CTNNA3: variants seen among roughly 807,000 people sequenced by gnomAD.
CTNNA3 encodes the protein catenin alpha 3, also known as catenin alpha-3.
In CTNNA3, 76 loss-of-function variants were observed where a neutral mutation model predicts 95.7. The observed-to-expected ratio is 0.79, with a 90% CI of 0.66 to 0.96. The LOEUF (loss-of-function observed/expected upper bound fraction) is 0.96, where lower values mean the gene tolerates loss of function less well. Ranked by LOEUF, CTNNA3 falls within the 40% of genes least tolerant of loss-of-function variation. The pLI, the probability that CTNNA3 is intolerant of heterozygous loss-of-function variation, is 0.00. For synonymous variants in CTNNA3, 431 were observed against 374.4 expected (o/e 1.15, Z -1.74); for missense variants, 1,191 against 1,089.8 (o/e 1.09, Z -1.31).
At chr10:66,289,821 A>C (rs9804181) in intron 12 of CTNNA3, among the ~76,000 whole-genome samples, 33,243 of 151,966 alleles carry the variant, frequency 0.22, 3,788 homozygotes, top group Admixed American at 0.29. Context: ...AAATCCAAAA[A>C]CTTTCTGAAT....
intron 7 of CTNNA3, among the ~76,000 whole-genome samples, chr10:66,936,285 T>G (rs2132660679): frequency 6.6e-6 from 1 of 152,158 alleles, no homozygotes; most frequent in South Asian, 2.1e-4. Context: ...GATTTCAAAA[T>G]AGCCAAAAGC....
chr10:67,592,481 C>T (rs1303960613), intron 3 of CTNNA3, among the ~76,000 whole-genome samples: 1 of 152,046 alleles, frequency 6.6e-6, no homozygotes, highest in East Asian at 1.9e-4. Context: ...GCAAAAAAGC[C>T]ACAATATTTC....
intron 6 of CTNNA3, among the ~76,000 whole-genome samples, chr10:67,213,340 G>A (rs1864219221): frequency 6.6e-6 from 1 of 151,464 alleles, no homozygotes; most frequent in Non-Finnish European, 1.5e-5. Context: ...TCTGCTTTCA[G>A]TATTCTTAAT....
intron 5 of CTNNA3, among the ~76,000 whole-genome samples, chr10:67,234,156 C>T (rs1865348594): frequency 6.6e-6 from 1 of 152,198 alleles, no homozygotes; most frequent in Admixed American, 6.5e-5. Context: ...CTCCCTAACT[C>T]ATTTTATGAG....
At chr10:67,202,681 A>G (rs1564968828) in intron 6 of CTNNA3, among the ~76,000 whole-genome samples, 1 of 152,142 alleles carries the variant, frequency 6.6e-6, no homozygotes, top group Non-Finnish European at 1.5e-5. Context: ...AATAAACATC[A>G]TTCCATTTTG....
At chr10:67,290,625 C>T (rs1275405647) in intron 5 of CTNNA3, among the ~76,000 whole-genome samples, 1 of 152,016 alleles carries the variant, frequency 6.6e-6, no homozygotes, top group African/African-American at 2.4e-5. Flanking sequence ...AAAACTGAGG[C>T]AACAAGAGGT....
At chr10:66,803,697 AAG>A (rs1001534582) in intron 7 of CTNNA3, among the ~76,000 whole-genome samples, 1 of 152,056 alleles carries the variant, frequency 6.6e-6, no homozygotes, top group African/African-American at 2.4e-5. Flanking sequence ...TGAGCAACTG[AAG>A]CATAGAGAAG....
intron 5 of CTNNA3, among the ~76,000 whole-genome samples, chr10:67,297,025 C>T (rs1333134921): frequency 6.8e-6 from 1 of 147,150 alleles, no homozygotes; most frequent in Non-Finnish European, 1.5e-5. Flanking sequence ...GAAGTCAGAT[C>T]AGCTTTGTAG....
At chr10:66,289,424 A>C (rs912453086) in intron 12 of CTNNA3, among the ~76,000 whole-genome samples, 4 of 151,680 alleles carry the variant, frequency 2.6e-5, no homozygotes, top group Non-Finnish European at 4.4e-5. Context: ...GAATCCTCCT[A>C]CTATTACACC....
At chr10:66,659,647 G>A (rs377102125) in intron 9 of CTNNA3, among the ~76,000 whole-genome samples, 15 of 152,280 alleles carry the variant, frequency 9.9e-5, no homozygotes, top group African/African-American at 3.6e-4. Context: ...TGGTTAATGA[G>A]AGCAGAGCCC....
At chr10:66,199,759 G>A (rs1307555494) in intron 13 of CTNNA3, among the ~76,000 whole-genome samples, 7 of 98,578 alleles carry the variant, frequency 7.1e-5, no homozygotes, top group African/African-American at 1.8e-4. Context: ...GTGCCACCAC[G>A]CCTGGCTATA....
chr10:66,813,831 C>CGT (rs769809892), intron 7 of CTNNA3, among the ~76,000 whole-genome samples: 4 of 92,550 alleles, frequency 4.3e-5, no homozygotes, highest in Non-Finnish European at 8.1e-5. Flanking sequence ...GGGGGAAGGG[C>CGT]GTGTGTGTGT....
chr10:67,750,068 C>T (rs1268441006), intron 1 of CTNNA3, among the ~76,000 whole-genome samples: 2 of 151,980 alleles, frequency 1.3e-5, no homozygotes, highest in African/African-American at 2.4e-5. Flanking sequence ...TTGAAGTCAG[C>T]GAGACTATGA....
intron 5 of CTNNA3, among the ~76,000 whole-genome samples, chr10:67,504,310 G>A (rs1229583395): frequency 8.0e-5 from 12 of 150,540 alleles, no homozygotes; most frequent in Non-Finnish European, 1.2e-4. Context: ...AAAATTGGCC[G>A]GGCGTGATGG....
At chr10:65,970,115 C>T (rs1223385165) in intron 16 of CTNNA3, among the ~76,000 whole-genome samples, 2 of 151,986 alleles carry the variant, frequency 1.3e-5, no homozygotes, top group Non-Finnish European at 2.9e-5. Flanking sequence ...AGATTGGAGG[C>T]CTATTTTCAG....
chr10:66,669,612 C>G (rs1846586060), intron 9 of CTNNA3, among the ~76,000 whole-genome samples: 1 of 152,072 alleles, frequency 6.6e-6, no homozygotes, highest in Non-Finnish European at 1.5e-5. Context: ...TGCCATTCAA[C>G]TGCCATGTTT....
At chr10:67,581,284 G>T (rs1334770636) in intron 3 of CTNNA3, among the ~76,000 whole-genome samples, 1 of 152,124 alleles carries the variant, frequency 6.6e-6, no homozygotes, top group East Asian at 1.9e-4. Context: ...GTTGAATTTT[G>T]TGAAAGGCCT....
chr10:66,587,025 G>T (rs1172886971), intron 10 of CTNNA3, among the ~76,000 whole-genome samples: 1 of 152,140 alleles, frequency 6.6e-6, no homozygotes, highest in Non-Finnish European at 1.5e-5. Context: ...ATCCAGTGAT[G>T]TGAACTGTCC....
intron 16 of CTNNA3, among the ~76,000 whole-genome samples, chr10:65,988,161 T>A (rs2078466409): frequency 1.3e-5 from 2 of 152,074 alleles, no homozygotes; most frequent in Admixed American, 6.5e-5. Context: ...TATTTAAAAA[T>A]AGCTATATGA....
Sources: allele counts gnomAD v4.1 joint callset (sites outside exome capture counted in the v4.1 genomes callset), GRCh38; gene constraint gnomAD v4.1.1; transcripts MANE v1.5; gene names NCBI Gene and HGNC (gene_info 2026-07-23, HGNC 2026-07-21).